The following ELMO1 variants were observed in gnomAD, a reference collection of about 807,000 sequenced individuals.
ELMO1 encodes engulfment and cell motility 1.
ELMO1 carries 26 observed loss-of-function variants against 98.9 expected under a neutral mutation model. The ratio of observed to expected loss-of-function variants is 0.26; its 90% CI spans 0.19 to 0.36. The LOEUF (loss-of-function observed/expected upper bound fraction) is 0.36, where lower values mean the gene tolerates loss of function less well. Ranked by LOEUF, ELMO1 falls within the 10% of genes least tolerant of loss-of-function variation. The pLI, the probability that ELMO1 is intolerant of heterozygous loss-of-function variation, is 1.00. For synonymous variants in ELMO1, 346 were observed against 346.0 expected (o/e 1.00, Z 0.00); for missense variants, 627 against 935.2 (o/e 0.67, Z 4.30).
At chr7:36,920,981 G>A (rs558359406) in intron 16 of ELMO1, among the ~76,000 whole-genome samples, 2 of 152,242 alleles carry the variant, frequency 1.3e-5, no homozygotes, top group Admixed American at 6.5e-5. Flanking sequence ...GAGAGGATTA[G>A]GTCATGAAGA....
chr7:36,891,756 G>A (rs11973187), intron 17 of ELMO1, among the ~76,000 whole-genome samples: 1,693 of 152,244 alleles, frequency 0.011, 11 homozygotes, highest in Middle Eastern at 0.051. Context: ...GGCTTAGAAC[G>A]GATTACATAA....
rs138834109 is a variant in ELMO1 at position 37,107,122 on chromosome 7, T to C, written c.1192-10395A>G. Among the ~76,000 whole-genome samples, 218 of 152,370 alleles carry C rather than the reference T, an allele frequency of 1.4e-3. 1 individual carries two copies. Among genetic ancestry groups the C allele is most frequent in the Non-Finnish European group, 1.6e-3 (110 of 68,036 alleles). On this transcript the variant is annotated intron_variant, in intron 14 of 21. Transcript: ENST00000310758. The stretch of plus-strand genomic sequence containing the variant: ...ATGAATATTTTTAAGCAATTATTGC[T>C]GAGCAACTTGCTAGATATTAAAAAT...
At chr7:37,291,347 G>T (rs1273029585) in intron 4 of ELMO1, among the ~76,000 whole-genome samples, 1 of 151,972 alleles carries the variant, frequency 6.6e-6, no homozygotes, top group Non-Finnish European at 1.5e-5. Context: ...AGTAACAAAA[G>T]GGAAAAAAGG....
At chr7:37,297,257 T>C (rs905320812) in intron 4 of ELMO1, among the ~76,000 whole-genome samples, 1 of 152,220 alleles carries the variant, frequency 6.6e-6, no homozygotes, top group African/African-American at 2.4e-5. Context: ...TTTTAAAGGT[T>C]GTATAAGTCA....
At chr7:36,999,121 G>A (rs1792442055) in intron 16 of ELMO1, among the ~76,000 whole-genome samples, 1 of 152,092 alleles carries the variant, frequency 6.6e-6, no homozygotes, top group Non-Finnish European at 1.5e-5. Flanking sequence ...TGTCTAGGAG[G>A]GAGGGTGGTG....
At chr7:37,329,343 G>T (rs1406679093) in intron 2 of ELMO1, among the ~76,000 whole-genome samples, 7 of 152,156 alleles carry the variant, frequency 4.6e-5, no homozygotes, top group Non-Finnish European at 1.5e-5. Context: ...GTACATTGTG[G>T]AATGATCAAA....
At chr7:37,345,529 G>A (rs931236139) in intron 1 of ELMO1, among the ~76,000 whole-genome samples, 2 of 152,148 alleles carry the variant, frequency 1.3e-5, no homozygotes, top group African/African-American at 4.8e-5. Flanking sequence ...GGCCAACATG[G>A]TGAAACCTCA....
intron 1 of ELMO1, among the ~76,000 whole-genome samples, chr7:37,359,732 C>T (rs763820607): frequency 1.1e-4 from 16 of 152,302 alleles, no homozygotes; most frequent in Middle Eastern, 6.8e-3. Flanking sequence ...GTGCCCGGCA[C>T]CGAGTAAGAG....
chr7:37,007,794 A>C (rs1793247441), intron 16 of ELMO1, among the ~76,000 whole-genome samples: 1 of 152,160 alleles, frequency 6.6e-6, no homozygotes, highest in Non-Finnish European at 1.5e-5. Context: ...TCCTATGAAT[A>C]ATCTTCATAG....
At chr7:37,264,322 T>C (rs1562565298) in intron 5 of ELMO1, among the ~76,000 whole-genome samples, 1 of 152,122 alleles carries the variant, frequency 6.6e-6, no homozygotes. Flanking sequence ...TATGAACCTA[T>C]AAATGAATAT....
intron 16 of ELMO1, among the ~76,000 whole-genome samples, chr7:37,008,464 G>A (rs1325868207): frequency 6.6e-6 from 1 of 151,992 alleles, no homozygotes; most frequent in Admixed American, 6.6e-5. Flanking sequence ...AGAATTTACT[G>A]TGAAATTCAT....
At chr7:37,038,501 T>C (rs1303271576) in intron 15 of ELMO1, among the ~76,000 whole-genome samples, 3 of 152,160 alleles carry the variant, frequency 2.0e-5, no homozygotes, top group Non-Finnish European at 1.5e-5. Flanking sequence ...TGGGACAGAT[T>C]TTTTGATCTT....
At chr7:36,986,338 A>C (rs538425540) in intron 16 of ELMO1, 1 of 872,804 alleles carries the variant, frequency 1.1e-6, no homozygotes, top group East Asian at 1.2e-4. Context: ...AAAAATAATA[A>C]CTTCGTTTCT....
intron 2 of ELMO1, among the ~76,000 whole-genome samples, chr7:37,334,850 C>T (rs543084703): frequency 6.6e-6 from 1 of 152,318 alleles, no homozygotes; most frequent in Non-Finnish European, 1.5e-5. Flanking sequence ...ACCTAAAACA[C>T]ATGCATCTGT....
chr7:37,073,238 G>T (rs999430672), intron 15 of ELMO1, among the ~76,000 whole-genome samples: 1 of 152,122 alleles, frequency 6.6e-6, no homozygotes, highest in Non-Finnish European at 1.5e-5. Flanking sequence ...ATATGCCCTT[G>T]AAGGATATTT....
chr7:37,167,427 C>T (rs935546449), intron 13 of ELMO1, among the ~76,000 whole-genome samples: 3 of 151,752 alleles, frequency 2.0e-5, no homozygotes, highest in African/African-American at 7.3e-5. Flanking sequence ...CAGTTTCTTC[C>T]TAGTCTCAAT....
At chr7:36,919,129 A>C (rs952068258) in intron 16 of ELMO1, among the ~76,000 whole-genome samples, 2 of 152,200 alleles carry the variant, frequency 1.3e-5, no homozygotes, top group African/African-American at 2.4e-5. Flanking sequence ...TTCTTCTCAC[A>C]GCTCAATATT....
At chr7:36,865,845 G>C (rs1802996073) in intron 20 of ELMO1, among the ~76,000 whole-genome samples, 1 of 152,228 alleles carries the variant, frequency 6.6e-6, no homozygotes, top group African/African-American at 2.4e-5. Flanking sequence ...CTAGGACAAA[G>C]GAGATGCTCA....
intron 5 of ELMO1, among the ~76,000 whole-genome samples, chr7:37,266,030 C>T (rs1161295946): frequency 6.6e-6 from 1 of 152,200 alleles, no homozygotes; most frequent in Non-Finnish European, 1.5e-5. Context: ...CCCTGCATCT[C>T]CTGAACCTGC....
Sources: allele counts gnomAD v4.1 joint callset (sites outside exome capture counted in the v4.1 genomes callset), GRCh38; gene constraint gnomAD v4.1.1; transcripts MANE v1.5; gene names NCBI Gene and HGNC (gene_info 2026-07-23, HGNC 2026-07-21).